The following TRPC5 variants were observed in gnomAD, a reference collection of about 807,000 sequenced individuals.
TRPC5 encodes transient receptor potential cation channel subfamily C member 5.
Under a neutral mutation model 56.5 loss-of-function variants are expected in TRPC5, and 9 were observed. The ratio of observed to expected loss-of-function variants is 0.16; its 90% CI spans 0.10 to 0.28. The LOEUF (loss-of-function observed/expected upper bound fraction) is 0.28. Ranked by LOEUF, TRPC5 falls within the 10% of genes least tolerant of loss-of-function variation. The pLI is 1.00. For missense variants in TRPC5, 469 were observed against 748.9 expected (o/e 0.63, Z 4.36); for synonymous variants, 282 against 278.5 (o/e 1.01, Z -0.13).
At position 111,927,328 on chromosome X, in the gene TRPC5, T is replaced by C. The variant is rs759648345; in HGVS notation, c.379-14516A>G. On this transcript the variant is annotated intron_variant, in intron 2 of 10. Transcript: ENST00000262839. ...CAAAATCACTTGCATTTTGGAACCA[T>C]TGAAGTAGATCATAAAACAGTCTTG... Among the ~76,000 whole-genome samples, 24 of 112,130 alleles carry C rather than the reference T, an allele frequency of 2.1e-4. No individual in the cohort carries two copies. The Admixed American group carries it at 2.2e-3, about 10-fold the overall frequency.
At chrX:111,789,128 C>CAAAGCTG in intron 7 of TRPC5, among the ~76,000 whole-genome samples, 1 of 111,911 alleles carries the variant, frequency 8.9e-6, no homozygotes, top group East Asian at 2.8e-4. Flanking sequence ...GCAAAAAGAA[C>CAAAGCTG]AAAGCTGGAG....
At chrX:111,970,775 G>GTTTTTT (rs761229610) in intron 1 of TRPC5, among the ~76,000 whole-genome samples, 19 of 92,999 alleles carry the variant, frequency 2.0e-4, no homozygotes, top group African/African-American at 7.8e-4. Flanking sequence ...TCACATTACC[G>GTTTTTT]TTTTTTTTTT....
chrX:111,971,086 G>A (rs925588500), intron 1 of TRPC5, among the ~76,000 whole-genome samples: 1 of 111,228 alleles, frequency 9.0e-6, no homozygotes, highest in Non-Finnish European at 1.9e-5. Context: ...CCACATTACC[G>A]CTTCTTTATG....
chrX:112,042,847 A>T (rs1349516914), intron 1 of TRPC5, among the ~76,000 whole-genome samples: 1 of 110,710 alleles, frequency 9.0e-6, no homozygotes, highest in Non-Finnish European at 1.9e-5. Context: ...CCTTCCAGGC[A>T]AGTGCCATCT....
At chrX:111,814,758 G>A (rs1921809317) in intron 7 of TRPC5, among the ~76,000 whole-genome samples, 1 of 110,682 alleles carries the variant, frequency 9.0e-6, no homozygotes, top group Non-Finnish European at 1.9e-5. Context: ...TGGTTTCTAG[G>A]TGGTTGGGGT....
In TRPC5 at chrX:111,810,797, AATTTAT is replaced by A. The variant is rs929560548; in HGVS notation, c.1896+24118_1896+24123del. 5.4e-5 allele frequency among the ~76,000 whole-genome samples: 6 copies of A among 111,802 alleles called. No homozygotes were observed. The Admixed American group carries it at 5.7e-4, about 11-fold the overall frequency. ...TTTATCTCTAATAATTGTTTATCAAAATTTATATTTATATTTGTGTTCTTTCAAGTA... is the reference window on the plus strand; with the variant it reads ...TTTATCTCTAATAATTGTTTATCAAAATTTATATTTGTGTTCTTTCAAGTA... On this transcript the variant is annotated intron_variant, in intron 7 of 10. Coordinates refer to ENST00000262839, the MANE Select transcript of TRPC5 (RefSeq NM_012471.3).
intron 7 of TRPC5, among the ~76,000 whole-genome samples, chrX:111,789,941 A>G (rs771297573): frequency 6.6e-4 from 74 of 112,219 alleles, no homozygotes; most frequent in African/African-American, 2.3e-3. Flanking sequence ...AGAAATAGGA[A>G]CACTTTTACA....
chrX:112,040,046 A>G (rs762243403), intron 1 of TRPC5, among the ~76,000 whole-genome samples: 2 of 111,861 alleles, frequency 1.8e-5, no homozygotes, highest in Non-Finnish European at 3.8e-5. Context: ...TTAATTAAGG[A>G]GGCTCTCCAA....
chrX:111,966,838 T>C (rs1927601683), intron 1 of TRPC5, among the ~76,000 whole-genome samples: 1 of 111,964 alleles, frequency 8.9e-6, no homozygotes, highest in Non-Finnish European at 1.9e-5. Flanking sequence ...CTCAAAATAA[T>C]AAGAGCTATC....
At chrX:112,052,384 T>A (rs954222592) in intron 1 of TRPC5, among the ~76,000 whole-genome samples, 3 of 111,599 alleles carry the variant, frequency 2.7e-5, no homozygotes, top group Non-Finnish European at 5.6e-5. Flanking sequence ...AGGGATGTTG[T>A]TCATCTTTTC....
intron 1 of TRPC5, among the ~76,000 whole-genome samples, chrX:112,026,932 GA>G (rs920355121): frequency 2.1e-5 from 2 of 95,568 alleles, no homozygotes; most frequent in Non-Finnish European, 4.3e-5. Flanking sequence ...AGAAGAAAAA[GA>G]AAGAAAGAAA....
At chrX:111,826,546 AG>A (rs1922243580) in intron 7 of TRPC5, among the ~76,000 whole-genome samples, 1 of 112,589 alleles carries the variant, frequency 8.9e-6, no homozygotes, top group East Asian at 2.8e-4. Context: ...AGATTGCCTG[AG>A]GGCATCCCAA....
intron 2 of TRPC5, among the ~76,000 whole-genome samples, chrX:111,922,941 A>G (rs887071201): frequency 7.1e-5 from 8 of 111,917 alleles, no homozygotes; most frequent in Non-Finnish European, 1.9e-5. Flanking sequence ...GCACAAGCAC[A>G]ATGCTGGAGT....
At chrX:111,983,909 C>G (rs1196167305) in intron 1 of TRPC5, among the ~76,000 whole-genome samples, 9 of 111,534 alleles carry the variant, frequency 8.1e-5, no homozygotes, top group Non-Finnish European at 1.7e-4. Context: ...GAGAGGGAAC[C>G]ATGGATATTT....
chrX:111,776,381 C>G lies in TRPC5; in HGVS notation c.2854G>C (p.Glu952Gln). The change falls in exon 11 of 11, where the codon GAG becomes CAG. Residue 952 changes from glutamate to glutamine, a missense_variant. Transcript: ENST00000262839. The part of the protein sequence containing the change: ...SSEDVFETWG[E>Q]ACDLLMHKWG... Reference sequence around the variant, plus strand: ...TTGTGCATGAGCAAGTCACAAGCCTCTCCCCAAGTTTCAAATACATCCTCT... The same window carrying G: ...TTGTGCATGAGCAAGTCACAAGCCTGTCCCCAAGTTTCAAATACATCCTCT... The G allele has an allele frequency of 8.3e-7, 1 of 1,207,794 alleles. No homozygotes were observed.
chrX:112,070,497 C>A (rs1930690212), intron 1 of TRPC5, among the ~76,000 whole-genome samples: 1 of 111,350 alleles, frequency 9.0e-6, no homozygotes, highest in Non-Finnish European at 1.9e-5. Flanking sequence ...TTGTCTCCAA[C>A]CTTATAGAGG....
chrX:111,782,141 A>T lies in TRPC5; in HGVS notation c.1897-3T>A. On this transcript the variant is annotated splice_polypyrimidine_tract_variant and splice_region_variant and intron_variant, in intron 7 of 10. Coordinates refer to ENST00000262839, the MANE Select transcript of TRPC5 (RefSeq NM_012471.3). ...TTCCACTCGATATCAGCATGATCCT[A>T]TGAAAGATAATGAAGTTCAAGGATT... 1 of 1,191,257 alleles carries T rather than the reference A, an allele frequency of 8.4e-7. No individual in the cohort carries two copies. Among genetic ancestry groups the T allele is most frequent in the Non-Finnish European group, 1.1e-6 (1 of 883,795 alleles).
intron 3 of TRPC5, among the ~76,000 whole-genome samples, chrX:111,910,811 C>T (rs774091453): frequency 7.1e-5 from 8 of 112,644 alleles, no homozygotes; most frequent in African/African-American, 1.9e-4. Flanking sequence ...GGATTACAGG[C>T]GTGAGCCACC....
At chrX:112,075,468 G>A (rs925205698) in intron 1 of TRPC5, among the ~76,000 whole-genome samples, 2 of 112,203 alleles carry the variant, frequency 1.8e-5, no homozygotes, top group Non-Finnish European at 3.8e-5. Context: ...GAAGATTATG[G>A]TAGACAAGAT....
Sources: gnomAD v4.1 joint callset for allele counts (sites outside exome capture counted in the v4.1 genomes callset) on GRCh38, gnomAD v4.1.1 for gene constraint, MANE v1.5 for transcripts, NCBI Gene and HGNC (gene_info 2026-07-23, HGNC 2026-07-21) for gene names.